Variants in AP4S1 observed in about 807,000 individuals in gnomAD.
The protein encoded by AP4S1 is AP-4 complex subunit sigma-1.
A neutral mutation model predicts 19.8 loss-of-function variants in AP4S1; 23 were observed. The ratio of observed to expected loss-of-function variants is 1.16; its 90% CI spans 0.84 to 1.65. The LOEUF (loss-of-function observed/expected upper bound fraction) is 1.65. AP4S1 is among the 40% of genes most tolerant of loss of function. The pLI, the probability that AP4S1 is intolerant of heterozygous loss-of-function variation, is 0.00. For synonymous variants in AP4S1, 46 were observed against 54.1 expected (o/e 0.85, Z 0.66); for missense variants, 166 against 172.8 (o/e 0.96, Z 0.22).
At chr14:31,089,476 G>T (rs1366919447) in intron 5 of AP4S1, among the ~76,000 whole-genome samples, 5 of 152,212 alleles carry the variant, frequency 3.3e-5, no homozygotes, top group African/African-American at 1.2e-4. Context: ...GTAGTTTCTA[G>T]GTTGGTCTCT....
chr14:31,037,973 C>A (rs12881165), intron 1 of AP4S1, among the ~76,000 whole-genome samples: 16,899 of 152,172 alleles, frequency 0.11, 1,272 homozygotes, highest in Non-Finnish European at 0.16. Flanking sequence ...AAGCAAAATT[C>A]ATATTTAGCA....
chr14:31,026,356 G>A, intron 1 of AP4S1: 2 of 380,940 alleles, frequency 5.3e-6, no homozygotes, highest in East Asian at 1.1e-4. Flanking sequence ...GCCGGCTGCC[G>A]CCATTACAAT....
At chr14:31,078,054 T>G (rs1427241347) in intron 4 of AP4S1, among the ~76,000 whole-genome samples, 1 of 152,184 alleles carries the variant, frequency 6.6e-6, no homozygotes, top group Non-Finnish European at 1.5e-5. Flanking sequence ...TTTTCTTGAT[T>G]CAAGAGTTGG....
chr14:31,029,849 CAAA>C (rs926669591), intron 1 of AP4S1, among the ~76,000 whole-genome samples: 1 of 138,258 alleles, frequency 7.2e-6, no homozygotes. Flanking sequence ...CCTTCCCCCA[CAAA>C]AAAAAAAAAG....
chr14:31,080,017 C>T (rs1887556568), intron 4 of AP4S1, among the ~76,000 whole-genome samples: 2 of 152,136 alleles, frequency 1.3e-5, no homozygotes, highest in South Asian at 2.1e-4. Context: ...ACTATGTATA[C>T]ATTTTGTAAC....
intron 1 of AP4S1, chr14:31,033,131 C>A (rs1254242631): frequency 4.6e-5 from 7 of 152,194 alleles, no homozygotes; most frequent in Admixed American, 4.6e-4. Flanking sequence ...TTATTACTGT[C>A]TCTGGTTCTC....
rs1425450065 is a variant in AP4S1 at position 31,093,282 on chromosome 14, T to G, written c.*247T>G. The G allele has an allele frequency of 1.3e-5, 4 of 310,148 alleles. No homozygotes were observed. The highest frequency in any genetic ancestry group is 1.2e-5 in the Non-Finnish European group (2 of 171,390). 19.2% of individuals were successfully genotyped at this position (310,148 alleles called of 1,614,324 possible). ...GTTTTATTTTCTAATTGTAAACATA[T>G]CTGTCGCACTTTAAATTCTGTTGAG... On this transcript the variant is annotated 3_prime_UTR_variant, in exon 6 of 6. Transcript: ENST00000542754.
At chr14:31,073,319 T>C (rs1003256458) in intron 4 of AP4S1, 8 of 221,670 alleles carry the variant, frequency 3.6e-5, no homozygotes, top group African/African-American at 1.4e-4. Context: ...TGAAACCCCG[T>C]CTCTACTAAA....
chr14:31,066,357 T>C, intron 2 of AP4S1, 23 bp downstream of exon 2: 2 of 1,613,780 alleles, frequency 1.2e-6, no homozygotes, highest in Non-Finnish European at 1.7e-6. Context: ...TTCTCTCTTT[T>C]ATCTCTGCAT....
At chr14:31,075,558 G>C (rs1168164213) in intron 4 of AP4S1, among the ~76,000 whole-genome samples, 1 of 151,902 alleles carries the variant, frequency 6.6e-6, no homozygotes, top group Non-Finnish European at 1.5e-5. Flanking sequence ...TACTTTCTGT[G>C]TCTATAGATT....
chr14:31,062,323 T>C (rs1305835058), intron 1 of AP4S1, among the ~76,000 whole-genome samples: 1 of 151,976 alleles, frequency 6.6e-6, no homozygotes, highest in Admixed American at 6.6e-5. Flanking sequence ...GTTCTTAAAC[T>C]CCTGACCTCA....
intron 1 of AP4S1, among the ~76,000 whole-genome samples, chr14:31,060,388 A>G (rs1200055980): frequency 1.3e-5 from 2 of 152,148 alleles, no homozygotes; most frequent in African/African-American, 2.4e-5. Context: ...TGTAATGAAA[A>G]CAGCTCAGTT....
At chr14:31,025,879 C>T (rs775631007) in intron 1 of AP4S1, 92 bp downstream of exon 1, 20 of 1,590,492 alleles carry the variant, frequency 1.3e-5, no homozygotes, top group Non-Finnish European at 1.7e-5. Flanking sequence ...GCCGCAGCTC[C>T]CGCACACCGA....
intron 5 of AP4S1, among the ~76,000 whole-genome samples, chr14:31,088,734 G>C (rs543579094): frequency 6.6e-6 from 1 of 151,322 alleles, no homozygotes; most frequent in South Asian, 2.1e-4. Context: ...CTTGAACCTG[G>C]GAGGCGGAGG....
chr14:31,078,446 T>C (rs1055099285), intron 4 of AP4S1, among the ~76,000 whole-genome samples: 1 of 152,228 alleles, frequency 6.6e-6, no homozygotes, highest in African/African-American at 2.4e-5. Context: ...AGTATAGCTC[T>C]AGCTTCTGCT....
chr14:31,034,605 C>G (rs1185447562), intron 1 of AP4S1, among the ~76,000 whole-genome samples: 1 of 134,370 alleles, frequency 7.4e-6, no homozygotes, highest in African/African-American at 2.8e-5. Flanking sequence ...AAGTTTTGTA[C>G]TTAATTTTTT....
At chr14:31,076,147 A>T (rs1271237634) in intron 4 of AP4S1, among the ~76,000 whole-genome samples, 2 of 152,176 alleles carry the variant, frequency 1.3e-5, no homozygotes, top group Admixed American at 1.3e-4. Context: ...GCGTTTTTGC[A>T]TAGAACCATG....
intron 5 of AP4S1, among the ~76,000 whole-genome samples, chr14:31,092,019 G>C (rs1888090567): frequency 6.6e-6 from 1 of 152,126 alleles, no homozygotes; most frequent in Non-Finnish European, 1.5e-5. Flanking sequence ...GAAGTATTTA[G>C]TTCTTTGTGG....
At chr14:31,056,638 C>T (rs972842247) in intron 1 of AP4S1, among the ~76,000 whole-genome samples, 5 of 152,192 alleles carry the variant, frequency 3.3e-5, no homozygotes, top group African/African-American at 4.8e-5. Context: ...GGATTACAGG[C>T]GTGAGCCACC....
Sources: gnomAD v4.1 joint callset for allele counts (sites outside exome capture counted in the v4.1 genomes callset) on GRCh38, gnomAD v4.1.1 for gene constraint, MANE v1.5 for transcripts, NCBI Gene and HGNC (gene_info 2026-07-23, HGNC 2026-07-21) for gene names.